The following CNTN4 variants were observed in gnomAD, a reference collection of about 807,000 sequenced individuals.
CNTN4 encodes the protein contactin-4.
CNTN4 carries 77 observed loss-of-function variants against 122.5 expected under a neutral mutation model. The ratio of observed to expected loss-of-function variants is 0.63; its 90% CI spans 0.52 to 0.76. The LOEUF (loss-of-function observed/expected upper bound fraction) is 0.76. Ranked by LOEUF, CNTN4 falls within the 30% of genes least tolerant of loss-of-function variation. CNTN4 has a pLI of 0.00. For missense variants in CNTN4, 1,256 were observed against 1,259.1 expected (o/e 1.00, Z 0.04); for synonymous variants, 512 against 447.0 (o/e 1.15, Z -1.83).
chr3:2,653,167 T>A (rs2083441605), intron 4 of CNTN4, among the ~76,000 whole-genome samples: 1 of 152,156 alleles, frequency 6.6e-6, no homozygotes, highest in Admixed American at 6.5e-5. Flanking sequence ...GAAAGCTTTT[T>A]TAAAAATTGT....
chr3:2,386,308 A>T (rs2046255705), intron 3 of CNTN4, among the ~76,000 whole-genome samples: 1 of 152,260 alleles, frequency 6.6e-6, no homozygotes, highest in African/African-American at 2.4e-5. Flanking sequence ...TTTGTGTGAC[A>T]GTAGAATGGC....
chr3:2,119,041 G>A (rs552434323), intron 2 of CNTN4, among the ~76,000 whole-genome samples: 9 of 152,316 alleles, frequency 5.9e-5, no homozygotes, highest in African/African-American at 1.7e-4. Context: ...TTAAAGATGA[G>A]ATTAACATTT....
chr3:2,249,721 A>T (rs1357760614), intron 2 of CNTN4, among the ~76,000 whole-genome samples: 1 of 151,976 alleles, frequency 6.6e-6, no homozygotes, highest in Non-Finnish European at 1.5e-5. Flanking sequence ...CAAATTTCAA[A>T]TGCTGAAGGT....
At chr3:2,884,631 AT>A (rs2093949275) in intron 9 of CNTN4, among the ~76,000 whole-genome samples, 1 of 152,220 alleles carries the variant, frequency 6.6e-6, no homozygotes, top group Non-Finnish European at 1.5e-5. Context: ...ATTTTAAAGT[AT>A]TTGTGTATAA....
rs1023076642 is a variant in CNTN4 at position 2,369,708 on chromosome 3, C to T, written c.-89+30475C>T. Among the ~76,000 whole-genome samples the T allele has an allele frequency of 2.6e-5, 4 of 151,916 alleles. No individual in the cohort carries two copies. In the East Asian group the frequency reaches 5.8e-4, roughly 22 times the overall value. On this transcript the variant is annotated intron_variant, in intron 3 of 24. Transcript: ENST00000418658. ...AAATATATTTACATCTTCAAGAATG[C>T]GCGAGGTTCTTCTCTGAAGCAGAGC...
Position 2,542,129 on chromosome 3 carries a change from T to G in CNTN4, c.-88-29287T>G, listed in dbSNP as rs570336045. On this transcript the variant is annotated intron_variant, in intron 3 of 24. Coordinates refer to ENST00000418658, the MANE Select transcript of CNTN4 (RefSeq NM_175607.3). The stretch of plus-strand genomic sequence containing the variant: ...ACATTAGAGGCATCATTTTTATTTT[T>G]AGCCTGGACATAACAGCTGGTTAAA... Among the ~76,000 whole-genome samples, 3 of 152,238 alleles carry G rather than the reference T, an allele frequency of 2.0e-5. No individual in the cohort carries two copies. The South Asian group carries it at 6.2e-4, about 32-fold the overall frequency.
At chr3:2,657,323 C>G (rs1402316403) in intron 4 of CNTN4, among the ~76,000 whole-genome samples, 1 of 152,152 alleles carries the variant, frequency 6.6e-6, no homozygotes, top group Non-Finnish European at 1.5e-5. Flanking sequence ...AAATCTGTAA[C>G]ATGAGGCTTT....
chr3:2,502,763 T>C (rs2076630848), intron 3 of CNTN4, among the ~76,000 whole-genome samples: 1 of 152,182 alleles, frequency 6.6e-6, no homozygotes, highest in Admixed American at 6.5e-5. Context: ...AACTGACTTA[T>C]CTGAGGACAC....
chr3:2,461,412 T>G (rs2049205371), intron 3 of CNTN4, among the ~76,000 whole-genome samples: 1 of 152,198 alleles, frequency 6.6e-6, no homozygotes, highest in Non-Finnish European at 1.5e-5. Context: ...ACTAACCCTG[T>G]GGAGTTATGG....
intron 12 of CNTN4, among the ~76,000 whole-genome samples, 172 bp from the exon 13 acceptor site, chr3:2,925,457 G>A (rs774309751): frequency 1.3e-5 from 2 of 152,156 alleles, no homozygotes; most frequent in Non-Finnish European, 2.9e-5. Context: ...GGAGGCTGAG[G>A]CAGGAGAGTC....
At chr3:2,754,928 T>C (rs549204967) in intron 6 of CNTN4, among the ~76,000 whole-genome samples, 4 of 152,274 alleles carry the variant, frequency 2.6e-5, no homozygotes, top group African/African-American at 9.6e-5. Flanking sequence ...ATCTTTCTTA[T>C]GACTACTACA....
rs568994304 is a variant in CNTN4, at chr3:2,782,199, G to A, written c.358+36502G>A. Reference sequence around the variant, plus strand: ...AGGTATAAAGAGTATAAAGAGGCATGTCTGACCCCAGCTTCCCTTCTTGGC... The same window carrying A: ...AGGTATAAAGAGTATAAAGAGGCATATCTGACCCCAGCTTCCCTTCTTGGC... On this transcript the variant is annotated intron_variant, in intron 6 of 24. Transcript: ENST00000418658. Among the ~76,000 whole-genome samples, 13 of 152,056 alleles carry A rather than the reference G, an allele frequency of 8.5e-5. No homozygotes were observed. In the South Asian group the frequency reaches 2.3e-3, roughly 27 times the overall value.
intron 14 of CNTN4, among the ~76,000 whole-genome samples, chr3:3,000,088 A>G (rs911291955): frequency 1.9e-4 from 29 of 152,184 alleles, no homozygotes; most frequent in Non-Finnish European, 2.9e-5. Context: ...TTTTTCTTCA[A>G]AACTCAGGAT....
At chr3:2,398,294 G>C (rs1468775336) in intron 3 of CNTN4, among the ~76,000 whole-genome samples, 2 of 151,906 alleles carry the variant, frequency 1.3e-5, no homozygotes, top group African/African-American at 4.8e-5. Flanking sequence ...AAAAACAAAA[G>C]ATGATATTTC....
chr3:2,246,705 C>T (rs376205919), intron 2 of CNTN4, among the ~76,000 whole-genome samples: 49 of 151,758 alleles, frequency 3.2e-4, no homozygotes, highest in South Asian at 1.5e-3. Context: ...GGCTTTTTAC[C>T]ATGAAAAGGA....
chr3:2,146,857 A>T lies in CNTN4; in HGVS notation c.-145+46218A>T, dbSNP rs147408853. Among the ~76,000 whole-genome samples, 16 of 152,116 alleles carry T rather than the reference A, an allele frequency of 1.1e-4. No individual in the cohort carries two copies. In the East Asian group the frequency reaches 2.3e-3, roughly 22 times the overall value. ...AGTTTCTTTTGTCTTTAGAGCTCACACTTCATTCCATAGTTTTTTGTTGTT... is the reference window on the plus strand; with the variant it reads ...AGTTTCTTTTGTCTTTAGAGCTCACTCTTCATTCCATAGTTTTTTGTTGTT... On this transcript the variant is annotated intron_variant, in intron 2 of 24. Transcript: ENST00000418658.
intron 2 of CNTN4, among the ~76,000 whole-genome samples, chr3:2,324,455 G>T (rs1254099614): frequency 6.6e-6 from 1 of 152,138 alleles, no homozygotes; most frequent in Non-Finnish European, 1.5e-5. Flanking sequence ...AGAAGCATAA[G>T]ACGGTAACTT....
intron 2 of CNTN4, among the ~76,000 whole-genome samples, chr3:2,178,214 A>G (rs2036841674): frequency 2.0e-5 from 3 of 152,050 alleles, no homozygotes; most frequent in Non-Finnish European, 2.9e-5. Flanking sequence ...GCTGTAACAC[A>G]TATGTCTTTG....
chr3:2,673,638 T>G (rs1387260789), intron 4 of CNTN4, among the ~76,000 whole-genome samples: 1 of 152,162 alleles, frequency 6.6e-6, no homozygotes. Context: ...CCTCACGGGT[T>G]CACGCCATTC....
Sources: gnomAD v4.1 joint callset for allele counts (sites outside exome capture counted in the v4.1 genomes callset) on GRCh38, gnomAD v4.1.1 for gene constraint, MANE v1.5 for transcripts, NCBI Gene and HGNC (gene_info 2026-07-23, HGNC 2026-07-21) for gene names.